GRIA3: variants seen among roughly 807,000 people sequenced by gnomAD.
GRIA3 encodes glutamate receptor 3.
GRIA3 carries 3 observed loss-of-function variants against 63.0 expected under a neutral mutation model. The observed-to-expected ratio is 0.05, with a 90% CI of 0.02 to 0.12. The LOEUF (loss-of-function observed/expected upper bound fraction) is 0.12, where lower values mean the gene tolerates loss of function less well. Among genes scored for constraint, GRIA3 ranks in the 10% least tolerant of loss-of-function variants. GRIA3 has a pLI of 1.00. For synonymous variants in GRIA3, 274 were observed against 257.9 expected (o/e 1.06, Z -0.60); for missense variants, 347 against 700.9 (o/e 0.50, Z 5.70).
chrX:123,384,326 T>A (rs1478627448), intron 5 of GRIA3, among the ~76,000 whole-genome samples: 1 of 112,715 alleles, frequency 8.9e-6, no homozygotes, highest in Non-Finnish European at 1.9e-5. Flanking sequence ...CAACAATGTA[T>A]AAAGTGTTCC....
intron 5 of GRIA3, among the ~76,000 whole-genome samples, chrX:123,366,979 T>G (rs1331869560): frequency 8.9e-6 from 1 of 111,973 alleles, no homozygotes; most frequent in Non-Finnish European, 1.9e-5. Context: ...AATGTCATCC[T>G]TTTGAAAAAG....
chrX:123,484,576 G>GA (rs1375199054), intron 15 of GRIA3, among the ~76,000 whole-genome samples: 1 of 111,837 alleles, frequency 8.9e-6, no homozygotes, highest in Non-Finnish European at 1.9e-5. Context: ...CACATCCCGG[G>GA]TTCAAGCGAT....
chrX:123,443,366 G>A (rs1018368929), intron 12 of GRIA3, among the ~76,000 whole-genome samples: 3 of 111,796 alleles, frequency 2.7e-5, no homozygotes, highest in Non-Finnish European at 5.6e-5. Context: ...GAGTGACCAG[G>A]ACTGTTGTAT....
intron 12 of GRIA3, among the ~76,000 whole-genome samples, chrX:123,435,608 C>T (rs1421346145): frequency 8.9e-6 from 1 of 111,942 alleles, no homozygotes; most frequent in African/African-American, 3.2e-5. Flanking sequence ...TCTATGCCTA[C>T]TTTTAAAAGA....
At chrX:123,426,473 A>G (rs893737926) in intron 11 of GRIA3, among the ~76,000 whole-genome samples, 3 of 112,054 alleles carry the variant, frequency 2.7e-5, no homozygotes, top group Non-Finnish European at 5.6e-5. Flanking sequence ...CCCCAGGGTT[A>G]TGATTTAATT....
chrX:123,297,847 T>C (rs2147312334), intron 3 of GRIA3, among the ~76,000 whole-genome samples: 1 of 110,669 alleles, frequency 9.0e-6, no homozygotes, highest in African/African-American at 3.3e-5. Flanking sequence ...TACCCATTAG[T>C]TATTTTTCCT....
At chrX:123,381,099 A>G (rs978560373) in intron 5 of GRIA3, among the ~76,000 whole-genome samples, 1 of 111,855 alleles carries the variant, frequency 8.9e-6, no homozygotes, top group African/African-American at 3.2e-5. Context: ...CTGAACTTCC[A>G]TCCATCTATC....
At chrX:123,308,327 T>C (rs1455424785) in intron 3 of GRIA3, among the ~76,000 whole-genome samples, 1 of 111,980 alleles carries the variant, frequency 8.9e-6, no homozygotes, top group South Asian at 3.8e-4. Flanking sequence ...GAGTATGCAG[T>C]TCTAACAATC....
intron 4 of GRIA3, among the ~76,000 whole-genome samples, chrX:123,335,121 T>C (rs1412125936): frequency 1.8e-5 from 2 of 110,398 alleles, no homozygotes; most frequent in Non-Finnish European, 3.8e-5. Flanking sequence ...CTGGTGACCA[T>C]CATTGATTTC....
chrX:123,312,927 T>G (rs2044805597), intron 3 of GRIA3, among the ~76,000 whole-genome samples: 1 of 111,890 alleles, frequency 8.9e-6, no homozygotes, highest in African/African-American at 3.3e-5. Context: ...AGTTTCTTAT[T>G]GGCACAATGA....
At chrX:123,479,187 C>T (rs895046662) in intron 13 of GRIA3, among the ~76,000 whole-genome samples, 2 of 112,515 alleles carry the variant, frequency 1.8e-5, no homozygotes, top group Non-Finnish European at 3.8e-5. Context: ...TTCTCTACAG[C>T]GTTACCCAAC....
chrX:123,337,298 G>A (rs1000079505), intron 4 of GRIA3, among the ~76,000 whole-genome samples: 2 of 112,001 alleles, frequency 1.8e-5, no homozygotes, highest in African/African-American at 3.2e-5. Context: ...CTTGCCTTCC[G>A]TAGTGGGATT....
At chrX:123,264,544 T>C (rs185266842) in intron 3 of GRIA3, among the ~76,000 whole-genome samples, 4 of 111,611 alleles carry the variant, frequency 3.6e-5, no homozygotes, top group African/African-American at 9.8e-5. Context: ...GTTTGTCAAC[T>C]GGCACTTACT....
intron 12 of GRIA3, among the ~76,000 whole-genome samples, chrX:123,445,311 C>T (rs1303711546): frequency 2.7e-5 from 3 of 111,804 alleles, no homozygotes; most frequent in Non-Finnish European, 5.6e-5. Flanking sequence ...GAAAGTAATA[C>T]TCCGCCTTTT....
rs1011888477 is a variant in GRIA3, at chrX:123,403,690, T to G, written c.1293+171T>G. Among the ~76,000 whole-genome samples the G allele has an allele frequency of 2.1e-4, 23 of 111,877 alleles. No individual in the cohort carries two copies. The highest frequency in any genetic ancestry group is 7.5e-4 in the African/African-American group (23 of 30,810). On this transcript the variant is annotated intron_variant, in intron 9 of 15. Transcript: ENST00000620443. ...GCCATGATGATGAACAGAATGTCAT[T>G]TAACAAAAAGAGAGAAAGAAAAAGA...
At chrX:123,353,277 A>G (rs2045110453) in intron 4 of GRIA3, among the ~76,000 whole-genome samples, 1 of 112,151 alleles carries the variant, frequency 8.9e-6, no homozygotes, top group Non-Finnish European at 1.9e-5. Context: ...GCATATATTT[A>G]GAAACCATGT....
chrX:123,321,209 C>G (rs2044865276), intron 3 of GRIA3, among the ~76,000 whole-genome samples: 1 of 112,013 alleles, frequency 8.9e-6, no homozygotes, highest in Admixed American at 9.4e-5. Context: ...TGGGAAAGAC[C>G]AACTTGCCTC....
At chrX:123,230,903 GTC>G (rs2044272678) in intron 2 of GRIA3, among the ~76,000 whole-genome samples, 1 of 111,910 alleles carries the variant, frequency 8.9e-6, no homozygotes, top group Non-Finnish European at 1.9e-5. Context: ...AATCAGAGAC[GTC>G]TCTCCCTGGT....
At chrX:123,294,034 G>A (rs2044671023) in intron 3 of GRIA3, among the ~76,000 whole-genome samples, 1 of 84,230 alleles carries the variant, frequency 1.2e-5, no homozygotes, top group African/African-American at 4.4e-5. Context: ...TCTGTCCCTT[G>A]CAACAAAGAG....
Sources: gnomAD v4.1 joint callset for allele counts (sites outside exome capture counted in the v4.1 genomes callset) on GRCh38, gnomAD v4.1.1 for gene constraint, MANE v1.5 for transcripts, NCBI Gene and HGNC (gene_info 2026-07-23, HGNC 2026-07-21) for gene names.